The following ASXL1 variants were observed in gnomAD, a reference collection of about 807,000 sequenced individuals.
The protein encoded by ASXL1 is polycomb group protein ASXL1.
A neutral mutation model predicts 89.1 loss-of-function variants in ASXL1; 65 were observed. The ratio of observed to expected loss-of-function variants is 0.73; its 90% CI spans 0.60 to 0.90. The LOEUF (loss-of-function observed/expected upper bound fraction) is 0.90, where lower values mean the gene tolerates loss of function less well. ASXL1 is among the 40% of genes least tolerant of loss of function. ASXL1 has a pLI of 0.00. For synonymous variants in ASXL1, 739 were observed against 746.9 expected (o/e 0.99, Z 0.17); for missense variants, 1,786 against 1,942.9 (o/e 0.92, Z 1.52).
Position 32,434,860 on chromosome 20 carries a change from T to G in ASXL1, c.2148T>G (p.Ala716=). The change falls in exon 13 of 13, where the codon GCT becomes GCG. Residue 716 remains alanine (A), a synonymous_variant. Transcript: ENST00000375687. ...HTQAGTAMSR[A]RREDLPSLRK... The stretch of plus-strand genomic sequence containing the variant: ...AGGCCGGAACTGCCATGTCCAGAGC[T>G]AGGAGAGAGGACCTGCCTTCTCTGA... The G allele has an allele frequency of 6.2e-7, 1 of 1,614,100 alleles. No homozygotes were observed. The highest frequency in any genetic ancestry group is 8.5e-7 in the Non-Finnish European group (1 of 1,180,012).
intron 1 of ASXL1, 105 bp downstream of exon 1, chr20:32,358,937 AG>A: frequency 8.5e-7 from 1 of 1,182,116 alleles, no homozygotes. Flanking sequence ...CCACCGCGGG[AG>A]GGGGCGGGGC....
intron 4 of ASXL1, among the ~76,000 whole-genome samples, chr20:32,393,896 T>C (rs1266129947): frequency 6.6e-6 from 1 of 151,916 alleles, no homozygotes; most frequent in Non-Finnish European, 1.5e-5. Context: ...AGTGGTGCAA[T>C]CTCAACTCAC....
At chr20:32,417,564 A>T (rs931969865) in intron 4 of ASXL1, among the ~76,000 whole-genome samples, 2 of 152,164 alleles carry the variant, frequency 1.3e-5, no homozygotes, top group African/African-American at 2.4e-5. Context: ...TTTCTCAAGC[A>T]TGTATGGAGA....
intron 4 of ASXL1, chr20:32,371,666 T>A (rs1391550760): frequency 1.4e-5 from 5 of 346,240 alleles, no homozygotes; most frequent in Non-Finnish European, 2.9e-5. Flanking sequence ...AGTGCAGTAG[T>A]ATAATCATAG....
intron 1 of ASXL1, 46 bp downstream of exon 1, chr20:32,358,878 G>C (rs776025782): frequency 1.7e-5 from 25 of 1,454,118 alleles, no homozygotes; most frequent in East Asian, 1.2e-4. Context: ...CGGGGTGGGG[G>C]GGGCTCGCCG....
rs2011768376 is a variant in ASXL1, at chr20:32,435,376, G to A, written c.2664G>A (p.Lys888=). The change falls in exon 13 of 13, where the codon AAG becomes AAA. Residue 888 remains lysine, a synonymous_variant. Coordinates refer to ENST00000375687, the MANE Select transcript of ASXL1 (RefSeq NM_015338.6). ...SDTRQENLKT[K]ALVSNSSLHW... is the part of the protein sequence containing the mutation. ...CTAGACAAGAAAACTTGAAAACCAA[G>A]GCTCTCGTTTCTAACAGTTCTTTGC... 6.2e-7 allele frequency: 1 copy of A among 1,614,172 alleles called. No homozygotes were observed. The highest frequency in any genetic ancestry group is 8.5e-7 in the Non-Finnish European group (1 of 1,180,040).
chr20:32,395,364 A>T (rs900700576), intron 4 of ASXL1, among the ~76,000 whole-genome samples: 2 of 152,056 alleles, frequency 1.3e-5, no homozygotes, highest in African/African-American at 4.8e-5. Flanking sequence ...CTCCTGTAAA[A>T]TCTGTTGTTA....
chr20:32,393,643 T>C (rs1053938529), intron 4 of ASXL1, among the ~76,000 whole-genome samples: 1 of 151,880 alleles, frequency 6.6e-6, no homozygotes, highest in Non-Finnish European at 1.5e-5. Flanking sequence ...GGCTAATTTT[T>C]GTATTTTTAG....
At chr20:32,431,087 G>C (rs1212205062) in intron 8 of ASXL1, 3 of 677,242 alleles carry the variant, frequency 4.4e-6, no homozygotes, top group Non-Finnish European at 8.1e-6. Flanking sequence ...CTGTGACACA[G>C]CACGGTACAG....
rs1404369258 is a variant in ASXL1 at position 32,366,462 on chromosome 20, A to G, written c.136A>G (p.Met46Val). 1.9e-6 allele frequency: 3 copies of G among 1,613,848 alleles called. No individual in the cohort carries two copies. The highest frequency in any genetic ancestry group is 2.5e-6 in the Non-Finnish European group (3 of 1,179,726). ...QVIEAEGLKE[M>V]RSGTSPLACL... is the part of the protein sequence containing the mutation. ...CATAGAGGCAGAAGGACTAAAGGAA[A>G]TGAGGTTTGTATTGTTCTTGTTGCT... The change falls in exon 2 of 13, where the codon ATG becomes GTG. Residue 46 changes from methionine to valine, a missense_variant. Physicochemically the swap from Met to Val is conservative, Grantham distance 21. Coordinates refer to ENST00000375687, the MANE Select transcript of ASXL1 (RefSeq NM_015338.6).
intron 4 of ASXL1, 92 bp from the exon 5 acceptor site, chr20:32,428,036 T>C (rs1240713809): frequency 8.3e-6 from 13 of 1,569,998 alleles, no homozygotes; most frequent in Non-Finnish European, 1.1e-5. Flanking sequence ...TCTAAATCCC[T>C]CTTTTTCAAA....
chr20:32,387,704 C>T (rs1255360017), intron 4 of ASXL1, among the ~76,000 whole-genome samples: 2 of 152,234 alleles, frequency 1.3e-5, no homozygotes, highest in African/African-American at 4.8e-5. Flanking sequence ...TCTTCCTTTG[C>T]TTTGCTAACT....
chr20:32,395,288 G>A (rs1006047580), intron 4 of ASXL1, among the ~76,000 whole-genome samples: 1 of 152,072 alleles, frequency 6.6e-6, no homozygotes, highest in Non-Finnish European at 1.5e-5. Context: ...AGAATTCTAG[G>A]TTGACAGGTT....
At chr20:32,428,682 G>A (rs140431105) in intron 6 of ASXL1, 12 of 281,328 alleles carry the variant, frequency 4.3e-5, no homozygotes, top group Non-Finnish European at 7.1e-5. Context: ...TTTTTTTTGA[G>A]ATGGAGTCGC....
At chr20:32,427,377 A>G (rs2011348923) in intron 4 of ASXL1, 1 of 152,942 alleles carries the variant, frequency 6.5e-6, no homozygotes, top group Non-Finnish European at 1.5e-5. Flanking sequence ...CGGTTGCCAG[A>G]TGAAATTCCG....
intron 1 of ASXL1, chr20:32,359,778 C>T (rs1036480683): frequency 5.6e-6 from 4 of 718,066 alleles, no homozygotes; most frequent in Non-Finnish European, 1.0e-5. Flanking sequence ...TTCAGAGCGT[C>T]AGAGGACTTG....
At chr20:32,379,210 A>T (rs2048444413) in intron 4 of ASXL1, among the ~76,000 whole-genome samples, 1 of 96,542 alleles carries the variant, frequency 1.0e-5, no homozygotes. Flanking sequence ...TTTGAGACAG[A>T]GTCTCCTTCT....
At chr20:32,433,966 A>G (rs765649714) in intron 12 of ASXL1, 49 bp downstream of exon 12, 2 of 1,604,702 alleles carry the variant, frequency 1.2e-6, no homozygotes, top group Middle Eastern at 4.4e-4. Context: ...GTTTTCTTTG[A>G]GGGTCATGAG....
intron 4 of ASXL1, among the ~76,000 whole-genome samples, chr20:32,379,161 CTTTTTTTTTTTTTTTTTTTTTTTTT>C (rs71187113): frequency 1.6e-5 from 1 of 61,760 alleles, no homozygotes; most frequent in Non-Finnish European, 2.8e-5. Context: ...TAACTTCAGT[CTTTTTTTTTTTTTTTTTTTTTTTTT>C]TTTTTTTTTT....
Sources: gnomAD v4.1 joint callset for allele counts (sites outside exome capture counted in the v4.1 genomes callset) on GRCh38, gnomAD v4.1.1 for gene constraint, MANE v1.5 for transcripts, NCBI Gene and HGNC (gene_info 2026-07-23, HGNC 2026-07-21) for gene names.